The following ANK3 variants were observed in gnomAD, a reference collection of about 807,000 sequenced individuals.
ANK3 encodes ankyrin-3.
In ANK3, 57 loss-of-function variants were observed where a neutral mutation model predicts 370.9. The ratio of observed to expected loss-of-function variants is 0.15; its 90% confidence interval spans 0.12 to 0.19. The LOEUF is 0.19. Ranked by LOEUF, ANK3 falls within the 10% of genes least tolerant of loss-of-function variation. The probability of loss-of-function intolerance (pLI) is 1.00; values close to 1 mark genes in which losing one functional copy is unlikely to be tolerated. For missense variants in ANK3, 4,439 were observed against 5,302.1 expected, an observed-to-expected ratio of 0.84 and a Z score of 5.06; for synonymous variants, 1,929 against 1,946.3, an observed-to-expected ratio of 0.99 and a Z score of 0.23.
At chr10:60,047,037 G>T (rs1265551228) in intron 42 of ANK3, among the ~76,000 whole-genome samples, 1 of 152,108 alleles carries the variant, frequency 6.6e-6, no homozygotes, top group Non-Finnish European at 1.5e-5. Flanking sequence ...TTGATCTCCT[G>T]ACCTCGTGAT....
chr10:60,648,230 G>A (rs1299377955), intron 1 of ANK3, among the ~76,000 whole-genome samples: 1 of 140,316 alleles, frequency 7.1e-6, no homozygotes. Flanking sequence ...TCAGCTCACT[G>A]CAAGCTCCAC....
At chr10:60,398,399 C>A (rs1328621445) in intron 2 of ANK3, among the ~76,000 whole-genome samples, 2 of 152,112 alleles carry the variant, frequency 1.3e-5, no homozygotes, top group Non-Finnish European at 1.5e-5. Flanking sequence ...ACAGCATGGT[C>A]AAAACCTGAT....
chr10:60,561,346 T>C (rs2077330308), intron 2 of ANK3, among the ~76,000 whole-genome samples: 1 of 152,216 alleles, frequency 6.6e-6, no homozygotes, highest in Non-Finnish European at 1.5e-5. Flanking sequence ...TTTATTTCCG[T>C]TTTATTGAGT....
At chr10:60,407,694 C>T (rs1046633908) in intron 2 of ANK3, among the ~76,000 whole-genome samples, 42 of 152,112 alleles carry the variant, frequency 2.8e-4, no homozygotes, top group African/African-American at 1.0e-3. Flanking sequence ...ATTGTGTAAA[C>T]TGAGGCTCAA....
chr10:60,180,917 T>C lies in ANK3; in HGVS notation c.2184+412A>G, dbSNP rs375347670. On this transcript the variant is annotated intron_variant, in intron 18 of 43. Coordinates refer to ENST00000280772, the MANE Select transcript of ANK3 (RefSeq NM_020987.5). The stretch of plus-strand genomic sequence containing the variant: ...AAGTGAGTAATATTTAAATAAGCCT[T>C]AATTTATCCTGTTTCATAAATCATG... 2.6e-5 allele frequency among the ~76,000 whole-genome samples: 4 copies of C among 152,308 alleles called. No individual in the cohort carries two copies. The East Asian group carries it at 7.7e-4, about 29-fold the overall frequency.
chr10:60,089,180 T>C (rs2087510195), intron 28 of ANK3, among the ~76,000 whole-genome samples: 2 of 152,220 alleles, frequency 1.3e-5, no homozygotes, highest in Admixed American at 1.3e-4. Context: ...GAACTCAACC[T>C]GTCCACAAAT....
chr10:60,086,649 AG>A, intron 30 of ANK3, 27 bp downstream of exon 30: 1 of 1,565,170 alleles, frequency 6.4e-7, no homozygotes, highest in Non-Finnish European at 8.7e-7. Flanking sequence ...GTGAATCAAT[AG>A]GAAGTACAGC....
intron 1 of ANK3, among the ~76,000 whole-genome samples, chr10:60,366,811 T>C (rs1471751477): frequency 1.5e-4 from 23 of 152,170 alleles, no homozygotes; most frequent in Admixed American, 1.5e-3. Flanking sequence ...CCTTTGTAAA[T>C]AATAAATCAA....
chr10:60,234,672 T>G lies in ANK3; in HGVS notation c.897+16A>C, dbSNP rs1409394918. 6 of 1,540,102 alleles carry G rather than the reference T, an allele frequency of 3.9e-6. No individual in the cohort carries two copies. On this transcript the variant is annotated intron_variant, in intron 8 of 43. Transcript: ENST00000280772. ...CTGAATACAAGTAGAAGCAGGTACA[T>G]AAGTTGCACACTTACCCTGGTTTTG...
At chr10:60,235,551 T>G (rs887107536) in intron 7 of ANK3, among the ~76,000 whole-genome samples, 1 of 7,866 alleles carries the variant, frequency 1.3e-4, no homozygotes, top group Non-Finnish European at 2.5e-4. Flanking sequence ...TGATTTCTTG[T>G]TTTTTTTTTT....
At chr10:60,066,971 G>A (rs552038808) in intron 38 of ANK3, among the ~76,000 whole-genome samples, 1 of 152,230 alleles carries the variant, frequency 6.6e-6, no homozygotes, top group East Asian at 1.9e-4. Context: ...CCAGACTGGA[G>A]TGCAGTGGTG....
chr10:60,245,989 A>T (rs376818895), intron 7 of ANK3, among the ~76,000 whole-genome samples: 1 of 152,058 alleles, frequency 6.6e-6, no homozygotes, highest in Admixed American at 6.6e-5. Context: ...GGCATGGTGG[A>T]TGACACCTGT....
intron 25 of ANK3, among the ~76,000 whole-genome samples, chr10:60,117,728 C>A (rs1398711659): frequency 3.3e-5 from 5 of 152,064 alleles, no homozygotes; most frequent in Non-Finnish European, 5.9e-5. Flanking sequence ...GCAGGAGAAT[C>A]GCCTGAACCC....
At chr10:60,084,331 A>G (rs10994188) in intron 32 of ANK3, 14,429 of 165,364 alleles carry the variant, frequency 0.087, 947 homozygotes, top group African/African-American at 0.19. Context: ...GTTTGAACCC[A>G]GGAGGCGGAG....
Position 60,080,469 on chromosome 10 carries a change from T to A in ANK3, c.4432+68A>T, listed in dbSNP as rs568610992. 1.9e-4 allele frequency: 259 copies of A among 1,395,796 alleles called. 4 individuals are homozygous for A. The Admixed American group carries it at 2.8e-3, about 15-fold the overall frequency. The allele number at this position is 1,395,796 out of a possible 1,614,324, so 86.5% of individuals were successfully genotyped here. ...TGAGTTTCCAAATGATAAAATTTGG[T>A]TTGTATAGAAAAAATGTCTCTTCTT... is the stretch of plus-strand genomic sequence containing the variant. On this transcript the variant is annotated intron_variant, in intron 36 of 43. Transcript: ENST00000280772.
chr10:60,455,863 A>G (rs938917336), intron 2 of ANK3, among the ~76,000 whole-genome samples: 1 of 152,180 alleles, frequency 6.6e-6, no homozygotes, highest in Non-Finnish European at 1.5e-5. Flanking sequence ...TCTAACTTCA[A>G]GAGTCACTCC....
intron 26 of ANK3, among the ~76,000 whole-genome samples, chr10:60,113,658 T>C (rs4948389): frequency 0.69 from 105,251 of 152,084 alleles, 37,127 homozygotes; most frequent in East Asian, 0.93. Context: ...TTCAGTAAGC[T>C]AAGACTGCAC....
At chr10:60,512,160 G>T (rs1353335039) in intron 2 of ANK3, among the ~76,000 whole-genome samples, 1 of 151,870 alleles carries the variant, frequency 6.6e-6, no homozygotes, top group African/African-American at 2.4e-5. Context: ...TATAGGAAAA[G>T]TTCATTTTCA....
In ANK3 at chr10:60,475,618, C is replaced by T. The variant is rs577368482; in HGVS notation, c.96+139568G>A. ...AAAGCCAAATAGTTTAATTTTGAAA[C>T]AGTCTATCAGATCAGGAAACAAAAC... On this transcript the variant is annotated intron_variant, in intron 2 of 43. Coordinates refer to the ANK3 transcript ENST00000373827. 3.3e-5 allele frequency among the ~76,000 whole-genome samples: 5 copies of T among 152,264 alleles called. No individual in the cohort carries two copies. In the East Asian group the frequency reaches 7.7e-4, roughly 24 times the overall value.
Sources: gnomAD v4.1 joint callset for allele counts (sites outside exome capture counted in the v4.1 genomes callset) on GRCh38, gnomAD v4.1.1 for gene constraint, MANE v1.5 for transcripts, NCBI Gene and HGNC (gene_info 2026-07-23, HGNC 2026-07-21) for gene names.